SUCLG2: variants seen among roughly 807,000 people sequenced by gnomAD.
SUCLG2 encodes the protein succinate-CoA ligase GDP-forming subunit beta, also known as succinate--CoA ligase [GDP-forming] subunit beta, mitochondrial.
In SUCLG2, 42 loss-of-function variants were observed where a neutral mutation model predicts 47.9. The ratio of observed to expected loss-of-function variants is 0.88; its 90% confidence interval spans 0.69 to 1.14. The LOEUF is 1.14. SUCLG2 is among the 50% of genes most tolerant of loss of function. The probability of loss-of-function intolerance (pLI) is 0.00; values close to 1 mark genes in which losing one functional copy is unlikely to be tolerated. For synonymous variants in SUCLG2, 195 were observed against 197.3 expected (o/e 0.99, Z 0.10); for missense variants, 571 against 525.9 (o/e 1.09, Z -0.84).
intron 9 of SUCLG2, among the ~76,000 whole-genome samples, chr3:67,462,172 T>C (rs1017264404): frequency 6.6e-6 from 1 of 152,096 alleles, no homozygotes; most frequent in Non-Finnish European, 1.5e-5. Context: ...AATCTCTCTC[T>C]CTCTCTCTCT....
At chr3:67,502,563 C>T (rs1705525741) in intron 7 of SUCLG2, among the ~76,000 whole-genome samples, 1 of 152,184 alleles carries the variant, frequency 6.6e-6, no homozygotes, top group Non-Finnish European at 1.5e-5. Flanking sequence ...GCTTAGCTTC[C>T]TAGACAGTGG....
intron 10 of SUCLG2, among the ~76,000 whole-genome samples, chr3:67,362,931 G>A (rs796415566): frequency 2.6e-5 from 4 of 152,124 alleles, no homozygotes; most frequent in Non-Finnish European, 5.9e-5. Context: ...TTATGCTCTA[G>A]AGCTCCCCGT....
At chr3:67,391,752 C>A (rs141980489) in intron 10 of SUCLG2, among the ~76,000 whole-genome samples, 1 of 152,274 alleles carries the variant, frequency 6.6e-6, no homozygotes, top group East Asian at 1.9e-4. Context: ...GAATGCAGAT[C>A]CCCAGCAGAG....
At chr3:67,376,294 G>A (rs1385025457) in intron 10 of SUCLG2, 6 of 985,392 alleles carry the variant, frequency 6.1e-6, no homozygotes, top group African/African-American at 1.7e-5. Context: ...AGACTCTGGC[G>A]CATCCAGCAT....
chr3:67,393,586 G>C (rs962197095), intron 10 of SUCLG2, among the ~76,000 whole-genome samples: 1 of 152,212 alleles, frequency 6.6e-6, no homozygotes, highest in Admixed American at 6.5e-5. Context: ...CTCCACCTTT[G>C]GGGGCAGGGC....
chr3:67,363,344 C>G (rs532760679), intron 10 of SUCLG2, among the ~76,000 whole-genome samples: 2 of 152,192 alleles, frequency 1.3e-5, no homozygotes, highest in East Asian at 3.9e-4. Flanking sequence ...TCAAATTGTA[C>G]CACTATACAC....
chr3:67,514,994 G>A (rs11709409), intron 6 of SUCLG2, among the ~76,000 whole-genome samples: 1 of 152,110 alleles, frequency 6.6e-6, no homozygotes. Context: ...CCCTCACGAA[G>A]TATTGCCAGG....
intron 1 of SUCLG2, among the ~76,000 whole-genome samples, chr3:67,626,121 G>A (rs1268529359): frequency 3.3e-5 from 5 of 151,602 alleles, no homozygotes; most frequent in African/African-American, 9.7e-5. Context: ...CCGGGTTCAC[G>A]CCATTCTCCT....
At chr3:67,582,236 T>C (rs1165626427) in intron 2 of SUCLG2, among the ~76,000 whole-genome samples, 1 of 152,176 alleles carries the variant, frequency 6.6e-6, no homozygotes, top group African/African-American at 2.4e-5. Context: ...TAGTACCTGA[T>C]AGGTAGTTTT....
chr3:67,534,253 T>G (rs1032417485), intron 2 of SUCLG2, among the ~76,000 whole-genome samples: 10 of 152,266 alleles, frequency 6.6e-5, no homozygotes, highest in African/African-American at 1.9e-4. Flanking sequence ...AAAAAAATCC[T>G]TTCTTTGGAT....
At chr3:67,578,720 G>C (rs1707807294) in intron 2 of SUCLG2, among the ~76,000 whole-genome samples, 1 of 152,146 alleles carries the variant, frequency 6.6e-6, no homozygotes, top group Non-Finnish European at 1.5e-5. Flanking sequence ...AAGGAAGAAG[G>C]GTGGAGATGA....
chr3:67,523,490 A>C (rs1181617155), intron 4 of SUCLG2, among the ~76,000 whole-genome samples: 2 of 152,192 alleles, frequency 1.3e-5, no homozygotes, highest in Non-Finnish European at 2.9e-5. Flanking sequence ...GGTTGCTTGA[A>C]ACCGTAAATT....
At chr3:67,564,715 T>A (rs1707405765) in intron 2 of SUCLG2, among the ~76,000 whole-genome samples, 1 of 152,226 alleles carries the variant, frequency 6.6e-6, no homozygotes, top group African/African-American at 2.4e-5. Context: ...TTTTTTCTTT[T>A]TAGTTCATGA....
intron 2 of SUCLG2, among the ~76,000 whole-genome samples, chr3:67,540,558 T>A (rs1002010596): frequency 6.6e-6 from 1 of 152,200 alleles, no homozygotes; most frequent in Non-Finnish European, 1.5e-5. Flanking sequence ...CAGGGACTTA[T>A]AGATCAAACT....
chr3:67,612,314 G>A (rs1419995504), intron 1 of SUCLG2, among the ~76,000 whole-genome samples: 2 of 151,582 alleles, frequency 1.3e-5, no homozygotes, highest in East Asian at 3.9e-4. Flanking sequence ...AGCTATGATT[G>A]TGCCACTGCA....
chr3:67,619,755 T>G (rs1159650379), intron 1 of SUCLG2, among the ~76,000 whole-genome samples: 1 of 152,184 alleles, frequency 6.6e-6, no homozygotes, highest in South Asian at 2.1e-4. Flanking sequence ...AAAGGAGAGT[T>G]TGCTGCATAA....
At chr3:67,410,335 C>A (rs1354866412) in intron 9 of SUCLG2, among the ~76,000 whole-genome samples, 1 of 152,102 alleles carries the variant, frequency 6.6e-6, no homozygotes, top group African/African-American at 2.4e-5. Flanking sequence ...TAGTTGTCAG[C>A]AGACAGGGTA....
chr3:67,529,586 C>G (rs983929931), intron 2 of SUCLG2, among the ~76,000 whole-genome samples: 4 of 152,098 alleles, frequency 2.6e-5, no homozygotes, highest in African/African-American at 9.7e-5. Flanking sequence ...TCAGAGATGT[C>G]AAAGGGAAGA....
chr3:67,384,903 C>T (rs1702228947), intron 10 of SUCLG2, among the ~76,000 whole-genome samples: 1 of 152,200 alleles, frequency 6.6e-6, no homozygotes, highest in Non-Finnish European at 1.5e-5. Context: ...GCTGTCTTCC[C>T]TCATCTGAAA....
Sources: gnomAD v4.1 joint callset for allele counts (sites outside exome capture counted in the v4.1 genomes callset) on GRCh38, gnomAD v4.1.1 for gene constraint, MANE v1.5 for transcripts, NCBI Gene and HGNC (gene_info 2026-07-23, HGNC 2026-07-21) for gene names.